The following LZTR1 variants were observed in gnomAD, a reference collection of about 807,000 sequenced individuals.
LZTR1 encodes leucine zipper like post translational regulator 1.
In LZTR1, 260 loss-of-function variants were observed where a neutral mutation model predicts 105.7. That is an observed-to-expected ratio of 2.46 (90% CI 2.22 to 2.72). LZTR1 has a LOEUF of 2.72. Among genes scored for constraint, LZTR1 ranks in the 30% most tolerant of loss-of-function variants. The pLI, the probability that LZTR1 is intolerant of heterozygous loss-of-function variation, is 0.00. For missense variants in LZTR1, 1,214 were observed against 1,166.9 expected, an observed-to-expected ratio of 1.04 and a Z score of -0.59; for synonymous variants, 490 against 476.4, an observed-to-expected ratio of 1.03 and a Z score of -0.37.
intron 19 of LZTR1, 31 bp downstream of exon 19, chr22:20,996,832 A>T: frequency 6.2e-7 from 1 of 1,611,578 alleles, no homozygotes; most frequent in Non-Finnish European, 8.5e-7. Context: ...ACATGGCTGC[A>T]GCTCCCACTG....
chr22:20,995,660 T>G, intron 16 of LZTR1, 86 bp from the exon 17 acceptor site: 1 of 1,524,906 alleles, frequency 6.6e-7, no homozygotes, highest in East Asian at 2.3e-5. Context: ...GGCAGCAACA[T>G]GGGCAGATAT....
At position 20,995,016 on chromosome 22, in the gene LZTR1, A is replaced by G; in HGVS notation, c.1932A>G (p.Pro644=). The G allele has an allele frequency of 6.2e-7, 1 of 1,609,792 alleles. No homozygotes were observed. The highest frequency in any genetic ancestry group is 8.5e-7 in the Non-Finnish European group (1 of 1,178,156). ...QPPPRTPLDQ[P]VDIGTSLIQD... is the part of the protein sequence containing the mutation. Reference sequence around the variant, plus strand: ...CCCCTCGCACTCCCTTGGACCAGCCAGTGGACATTGGTAGGGAGCCCCGTT... The same window carrying G: ...CCCCTCGCACTCCCTTGGACCAGCCGGTGGACATTGGTAGGGAGCCCCGTT... The change falls in exon 16 of 21, where the codon CCA becomes CCG. Residue 644 remains proline (P), a synonymous_variant. Transcript: ENST00000646124.
intron 2 of LZTR1, among the ~76,000 whole-genome samples, chr22:20,984,606 A>C: frequency 1.6e-5 from 1 of 61,476 alleles, no homozygotes; most frequent in East Asian, 5.9e-4. Flanking sequence ...ACGTGGGGCA[A>C]GTAAGGAGGG....
rs777083018 is a variant in LZTR1, at chr22:20,994,869, G to A, written c.1786-1G>A. The A allele has an allele frequency of 1.2e-6, 2 of 1,613,206 alleles. No homozygotes were observed. The highest frequency in any genetic ancestry group is 1.3e-5 in the African/African-American group (1 of 75,046). ...TGCCTGCCTGTGCCTGTCTGCCCCA[G>A]GAGCACTGCCTGAACTTCGTGGTAA... On this transcript the variant is annotated splice_acceptor_variant, in intron 15 of 20. Coordinates refer to ENST00000646124, the MANE Select transcript of LZTR1 (RefSeq NM_006767.4). LOFTEE classifies it high-confidence loss of function.
At chr22:20,996,635 C>T in intron 18 of LZTR1, 61 bp from the exon 19 acceptor site, 3 of 1,449,264 alleles carry the variant, frequency 2.1e-6, no homozygotes, top group Non-Finnish European at 2.9e-6. Flanking sequence ...CTTCCCTGTC[C>T]TTCCCTGGGA....
chr22:20,987,919 T>A, intron 4 of LZTR1, 91 bp from the exon 5 acceptor site: 1 of 802,230 alleles, frequency 1.2e-6, no homozygotes. Context: ...TTATGCATTT[T>A]CAGGGGGGCC....
chr22:20,985,113 T>A (rs2147959104), intron 2 of LZTR1, among the ~76,000 whole-genome samples: 1 of 147,648 alleles, frequency 6.8e-6, no homozygotes, highest in South Asian at 2.1e-4. Flanking sequence ...CAGGCTGGTG[T>A]TCAGTGGCGC....
Position 20,996,971 on chromosome 22 carries a change from G to A in LZTR1, c.2406+5G>A, listed in dbSNP as rs1193285002. 1 of 1,613,556 alleles carries A rather than the reference G, an allele frequency of 6.2e-7. No homozygotes were observed. Among genetic ancestry groups the A allele is most frequent in the Non-Finnish European group, 8.5e-7 (1 of 1,179,922 alleles). On this transcript the variant is annotated splice_donor_5th_base_variant and intron_variant, in intron 20 of 20. Transcript: ENST00000646124. ...ATTGTGCACCAGTTCACCAAGGTCA[G>A]GGCTCTGGCCTCCCCTTCAGGACTC...
Position 20,997,605 on chromosome 22 carries a change from G to T in LZTR1, c.*257G>T, listed in dbSNP as rs932663790. On this transcript the variant is annotated 3_prime_UTR_variant, in exon 21 of 21. Transcript: ENST00000646124. ...CATCACCCTCTCCTGGTGTAGTGTG[G>T]ATGCGAGGCCACGGCTCAGTGATGG... is the stretch of plus-strand genomic sequence containing the variant. 2.4e-6 allele frequency: 1 copy of T among 414,082 alleles called. No individual in the cohort carries two copies. The allele number at this position is 414,082 out of a possible 1,614,324, so 25.7% of individuals were successfully genotyped here.
chr22:20,993,836 C>A (rs1924697083), intron 12 of LZTR1, 82 bp downstream of exon 12: 9 of 1,563,458 alleles, frequency 5.8e-6, no homozygotes, highest in Non-Finnish European at 7.8e-6. Context: ...CAGCTGCTGG[C>A]CTGGTGGTGC....
In LZTR1 at chr22:20,985,980, C is replaced by T. The variant is rs1924367506; in HGVS notation, c.320+83C>T. The stretch of plus-strand genomic sequence containing the variant: ...GCTGGGTCCCAGTTGCTAGCAGAGT[C>T]TCTCTCATCATGGGAAGCTAGAAAG... On this transcript the variant is annotated intron_variant, in intron 3 of 20. Transcript: ENST00000646124. The T allele has an allele frequency of 2.8e-6, 4 of 1,404,354 alleles. No individual in the cohort carries two copies. The South Asian group carries it at 4.7e-5, about 16-fold the overall frequency. 87.0% of individuals were successfully genotyped at this position (1,404,354 alleles called of 1,614,324 possible).
rs551552078 is a variant in LZTR1 at position 20,993,229 on chromosome 22, C to T, written c.1260+325C>T. 7.0e-5 allele frequency: 29 copies of T among 417,128 alleles called. No individual in the cohort carries two copies. In the East Asian group the frequency reaches 1.0e-3, roughly 15 times the overall value. 25.8% of individuals were successfully genotyped at this position (417,128 alleles called of 1,614,324 possible). A position where few individuals can be genotyped will look rare whatever the true frequency, so the allele number is the denominator to read the frequency against. On this transcript the variant is annotated intron_variant, in intron 11 of 20. Coordinates refer to ENST00000646124, the MANE Select transcript of LZTR1 (RefSeq NM_006767.4). ...CAGAGCCAGGGCCGACAGTGGCTTG[C>T]GTTGACAGCCCCTTCCCAGGCCTGG...
chr22:20,994,019 G>C lies in LZTR1; in HGVS notation c.1449G>C (p.Gln483His). ...KITQARERLA[Q>H]KLEQEAAPVP... ...CGCAGGCGCGGGAGAGGCTGGCCCA[G>C]GTGAGGTGCCTAACCGCCCTGCCCT... The change falls in exon 13 of 21, where the codon CAG becomes CAC. Residue 483 changes from glutamine (Q) to histidine (H), a missense_variant and splice_region_variant. By Grantham distance (24) the Gln-to-His change is conservative. Transcript: ENST00000646124. 1.2e-6 allele frequency: 2 copies of C among 1,605,720 alleles called. No individual in the cohort carries two copies. The highest frequency in any genetic ancestry group is 1.3e-5 in the African/African-American group (1 of 75,024).
At chr22:20,986,004 A>G in intron 3 of LZTR1, 107 bp downstream of exon 3, 1 of 1,204,262 alleles carries the variant, frequency 8.3e-7, no homozygotes, top group Admixed American at 1.9e-5. Context: ...GAAGCTAGAA[A>G]GAAGCTTCCA....
intron 8 of LZTR1, chr22:20,990,756 T>C (rs1924580796): frequency 2.0e-6 from 1 of 511,114 alleles, no homozygotes; most frequent in East Asian, 3.6e-5. Context: ...TGGCTAGGCC[T>C]CCCTCTGAAC....
Position 20,990,481 on chromosome 22 carries a change from C to CA in LZTR1, c.751dup (p.Ile251AsnfsTer9). The CA allele has an allele frequency of 6.2e-7, 1 of 1,613,832 alleles. No homozygotes were observed. ...TTGTATTCTCTGGGCAAAGCGGAGC[C>CA]AAAATAACCAACAACCTCTTCCAGT... is the stretch of plus-strand genomic sequence containing the variant. On this transcript the variant is annotated frameshift_variant, in exon 8 of 21. Transcript: ENST00000646124. LOFTEE classifies it high-confidence loss of function.
chr22:20,994,623 C>T lies in LZTR1; in HGVS notation c.1681C>T (p.Arg561Cys), dbSNP rs755134685. Residue 561 changes from arginine (R) to cysteine (C), a missense_variant, in exon 15 of 21, where the codon CGC (arginine) becomes TGC (cysteine). By Grantham distance (180) the Arg-to-Cys change is radical. Coordinates refer to ENST00000646124, the MANE Select transcript of LZTR1 (RefSeq NM_006767.4). ...YKLALSFQLCRLEQLCRQYIE... is the reference protein window; with the variant it reads ...YKLALSFQLCCLEQLCRQYIE... ...ACTGGCACTGAGCTTCCAGTTGTGC[C>T]GCCTGGAGCAGCTGTGCCGCCAGTA... 6.2e-6 allele frequency: 10 copies of T among 1,612,528 alleles called. No individual in the cohort carries two copies. The highest frequency in any genetic ancestry group is 4.0e-5 in the African/African-American group (3 of 74,904).
intron 6 of LZTR1, 132 bp downstream of exon 6, chr22:20,989,004 G>C (rs1053448091): frequency 4.0e-6 from 3 of 752,516 alleles, no homozygotes; most frequent in Non-Finnish European, 2.3e-6. Flanking sequence ...ACTCTGTCTG[G>C]GGGTTTCTTG....
Sources: allele counts gnomAD v4.1 joint callset (sites outside exome capture counted in the v4.1 genomes callset), GRCh38; gene constraint gnomAD v4.1.1; transcripts MANE v1.5; gene names NCBI Gene and HGNC (gene_info 2026-07-23, HGNC 2026-07-21).